Variants in MTCL3 observed in about 807,000 individuals in gnomAD.
The protein encoded by MTCL3 is MTCL family member 3, also known as microtubule cross-linking factor 3.
At chr6:127,494,764 C>A in the MTCL3 span, among the ~76,000 whole-genome samples, 1 of 152,156 alleles carries the variant, frequency 6.6e-6, no homozygotes, top group African/African-American at 2.4e-5. Flanking sequence ...GCAAGACCAC[C>A]TTGCTTTAAA....
the MTCL3 span, among the ~76,000 whole-genome samples, chr6:127,512,423 G>C: frequency 6.6e-6 from 1 of 152,134 alleles, no homozygotes; most frequent in South Asian, 2.1e-4. Flanking sequence ...GGGAAGGGCT[G>C]GCTTTGCTAT....
the MTCL3 span, among the ~76,000 whole-genome samples, chr6:127,497,288 T>C: frequency 2.0e-5 from 3 of 152,188 alleles, no homozygotes; most frequent in Admixed American, 2.0e-4. Flanking sequence ...CAGACAATAC[T>C]GTAGCTCTCT....
chr6:127,512,123 G>C, the MTCL3 span, among the ~76,000 whole-genome samples: 2 of 152,082 alleles, frequency 1.3e-5, no homozygotes, highest in East Asian at 3.9e-4. Context: ...ATCATTTCTT[G>C]ATAGGTGTTT....
chr6:127,478,555 A>G, the MTCL3 span, among the ~76,000 whole-genome samples: 1 of 152,236 alleles, frequency 6.6e-6, no homozygotes, highest in Non-Finnish European at 1.5e-5. Flanking sequence ...GGGTGGAAAC[A>G]TCCATCAACA....
the MTCL3 span, among the ~76,000 whole-genome samples, chr6:127,480,794 G>A: frequency 1.3e-5 from 2 of 152,284 alleles, no homozygotes; most frequent in Non-Finnish European, 2.9e-5. Flanking sequence ...CCTTGACTGA[G>A]CATTGGAATC....
the MTCL3 span, among the ~76,000 whole-genome samples, chr6:127,512,216 A>G: frequency 6.6e-6 from 1 of 152,176 alleles, no homozygotes; most frequent in Non-Finnish European, 1.5e-5. Context: ...ATCTTCAAAT[A>G]GCTGACATGA....
chr6:127,488,431 A>G, the MTCL3 span, among the ~76,000 whole-genome samples: 5 of 152,216 alleles, frequency 3.3e-5, no homozygotes, highest in African/African-American at 1.2e-4. Context: ...GAGCTCCACA[A>G]GAGCAGGCTC....
the MTCL3 span, chr6:127,515,398 C>T: frequency 5.8e-6 from 6 of 1,034,974 alleles, no homozygotes; most frequent in African/African-American, 1.6e-5. The surrounding 1 kb of genome is among the most constrained non-coding windows in gnomAD (Gnocchi z 4.3). Context: ...TCTTGTTCTC[C>T]TCCCTCTTCA....
the MTCL3 span, chr6:127,514,878 G>T: frequency 8.1e-6 from 13 of 1,614,092 alleles, no homozygotes; most frequent in Non-Finnish European, 1.1e-5. Flanking sequence ...CCCGGTCTGG[G>T]CGTAGCGGAG....
At chr6:127,514,732 G>T in the MTCL3 span, 1 of 987,336 alleles carries the variant, frequency 1.0e-6, no homozygotes, top group Non-Finnish European at 1.5e-6. Flanking sequence ...CTTGCCAGTC[G>T]CCACTGAAGA....
At chr6:127,505,372 A>G in the MTCL3 span, among the ~76,000 whole-genome samples, 1 of 152,248 alleles carries the variant, frequency 6.6e-6, no homozygotes, top group Non-Finnish European at 1.5e-5. Flanking sequence ...TTGCAGGGAC[A>G]TGAATGGAGC....
the MTCL3 span, among the ~76,000 whole-genome samples, chr6:127,473,957 T>C: frequency 6.6e-6 from 1 of 152,218 alleles, no homozygotes; most frequent in South Asian, 2.1e-4. Context: ...TCAGTCCAAT[T>C]CATCCGGTGT....
chr6:127,485,772 A>G, the MTCL3 span, among the ~76,000 whole-genome samples: 3 of 152,182 alleles, frequency 2.0e-5, no homozygotes, highest in South Asian at 4.1e-4. Context: ...AAAGGATGCA[A>G]TTAGCAAAAA....
chr6:127,516,034 C>A, the MTCL3 span: 1 of 1,570,350 alleles, frequency 6.4e-7, no homozygotes, highest in Non-Finnish European at 8.6e-7. Flanking sequence ...TCGCCAGCCC[C>A]TGGGCGGCGG....
At chr6:127,503,345 C>G in the MTCL3 span, among the ~76,000 whole-genome samples, 2 of 152,178 alleles carry the variant, frequency 1.3e-5, no homozygotes, top group Admixed American at 1.3e-4. Flanking sequence ...AGTTCAGCCA[C>G]TGGCATGTAA....
chr6:127,516,651 A>AT, the MTCL3 span: 1 of 1,574,862 alleles, frequency 6.3e-7, no homozygotes, highest in African/African-American at 1.3e-5. Context: ...GGAAGAGCCC[A>AT]TTACTAGATC....
chr6:127,515,696 A>AGGCGAC, the MTCL3 span: 3 of 1,557,886 alleles, frequency 1.9e-6, no homozygotes, highest in South Asian at 3.5e-5. The surrounding 1 kb of genome is among the most constrained non-coding windows in gnomAD (Gnocchi z 4.3). Context: ...GGGGAGGCGG[A>AGGCGAC]GGCGACGGCC....
At chr6:127,506,801 G>A in the MTCL3 span, among the ~76,000 whole-genome samples, 1 of 151,950 alleles carries the variant, frequency 6.6e-6, no homozygotes, top group African/African-American at 2.4e-5. Flanking sequence ...GGGTGGTCTC[G>A]ATCTCCTGAC....
At chr6:127,512,514 A>G in the MTCL3 span, among the ~76,000 whole-genome samples, 1 of 152,186 alleles carries the variant, frequency 6.6e-6, no homozygotes, top group South Asian at 2.1e-4. Context: ...GGTTCTATGA[A>G]CTCAATTGTA....
Sources: allele counts gnomAD v4.1 joint callset (sites outside exome capture counted in the v4.1 genomes callset), GRCh38; gene constraint gnomAD v4.1.1; non-coding constraint Gnocchi (gnomAD v3.1); transcripts MANE v1.5; gene names NCBI Gene and HGNC (gene_info 2026-07-23, HGNC 2026-07-21).